The following TRIP4 variants were observed in gnomAD, a reference collection of about 807,000 sequenced individuals.
TRIP4 encodes the protein thyroid hormone receptor interactor 4.
A neutral mutation model predicts 81.8 loss-of-function variants in TRIP4; 54 were observed. That is an observed-to-expected ratio of 0.66 (90% CI 0.53 to 0.83). The LOEUF is 0.83. Among genes scored for constraint, TRIP4 ranks in the 40% least tolerant of loss-of-function variants. The probability of loss-of-function intolerance (pLI) is 0.00; values close to 1 mark genes in which losing one functional copy is unlikely to be tolerated. For synonymous variants in TRIP4, 270 were observed against 242.8 expected, an observed-to-expected ratio of 1.11 and a Z score of -1.04; for missense variants, 662 against 683.6, an observed-to-expected ratio of 0.97 and a Z score of 0.35.
At chr15:64,406,599 A>T (rs1402160955) in intron 6 of TRIP4, 140 bp downstream of exon 6, 1 of 1,003,722 alleles carries the variant, frequency 1.0e-6, no homozygotes, top group African/African-American at 1.6e-5. Flanking sequence ...TCTACATAGG[A>T]GGCCTACATC....
chr15:64,403,661 A>G (rs1366082450), intron 5 of TRIP4, among the ~76,000 whole-genome samples: 1 of 152,116 alleles, frequency 6.6e-6, no homozygotes, highest in Non-Finnish European at 1.5e-5. Flanking sequence ...CTTGCTATAT[A>G]TTCATAATTG....
intron 11 of TRIP4, among the ~76,000 whole-genome samples, chr15:64,434,437 C>T (rs1225791765): frequency 6.6e-6 from 1 of 150,672 alleles, no homozygotes; most frequent in Non-Finnish European, 1.5e-5. Context: ...TAGGTTTGTT[C>T]AGATGATAGA....
chr15:64,452,701 T>C (rs1892799014), intron 12 of TRIP4, among the ~76,000 whole-genome samples: 3 of 152,226 alleles, frequency 2.0e-5, no homozygotes, highest in Admixed American at 1.3e-4. Context: ...CTTTTCACTG[T>C]ATCAGATTGC....
At chr15:64,397,866 C>T (rs377367530) in intron 4 of TRIP4, 48 bp downstream of exon 4, 38 of 1,578,684 alleles carry the variant, frequency 2.4e-5, no homozygotes, top group Middle Eastern at 1.7e-4. Context: ...TGTGTTAATA[C>T]GCAGAGCCAG....
chr15:64,413,486 C>T (rs771921557), intron 7 of TRIP4, among the ~76,000 whole-genome samples: 1 of 152,112 alleles, frequency 6.6e-6, no homozygotes, highest in Non-Finnish European at 1.5e-5. Context: ...CTCTAGGCAG[C>T]TTTTCTGGTC....
At chr15:64,448,888 C>T (rs976312016) in intron 12 of TRIP4, among the ~76,000 whole-genome samples, 1 of 152,024 alleles carries the variant, frequency 6.6e-6, no homozygotes, top group Non-Finnish European at 1.5e-5. Flanking sequence ...TATATTATTA[C>T]ATGAAGTGAT....
At chr15:64,399,314 T>C (rs996981552) in intron 4 of TRIP4, among the ~76,000 whole-genome samples, 1 of 152,050 alleles carries the variant, frequency 6.6e-6, no homozygotes, top group African/African-American at 2.4e-5. Flanking sequence ...CTGAAAAATG[T>C]AGTGTCTACC....
At chr15:64,417,126 G>C (rs1041042397) in intron 8 of TRIP4, among the ~76,000 whole-genome samples, 1 of 152,108 alleles carries the variant, frequency 6.6e-6, no homozygotes, top group Admixed American at 6.6e-5. Context: ...TCCCATCTCA[G>C]CTTCTCAAGT....
At chr15:64,428,974 C>T (rs961525312) in intron 11 of TRIP4, among the ~76,000 whole-genome samples, 2 of 152,018 alleles carry the variant, frequency 1.3e-5, no homozygotes, top group Admixed American at 1.3e-4. Context: ...GATGTTAGCC[C>T]TATTTTTATC....
At chr15:64,406,124 C>T (rs1030512795) in intron 5 of TRIP4, among the ~76,000 whole-genome samples, 2 of 152,172 alleles carry the variant, frequency 1.3e-5, no homozygotes, top group African/African-American at 2.4e-5. Flanking sequence ...AGATCCCTGC[C>T]ATTTATTGAA....
chr15:64,430,163 T>TGAC (rs1892236933), intron 11 of TRIP4, among the ~76,000 whole-genome samples: 1 of 152,258 alleles, frequency 6.6e-6, no homozygotes, highest in African/African-American at 2.4e-5. Context: ...TGAACTAGTC[T>TGAC]TCCTTTTTAT....
In TRIP4 at chr15:64,414,211, G is replaced by C; in HGVS notation, c.1170G>C (p.Gln390His). Residue 390 changes from glutamine to histidine, a missense_variant and splice_region_variant, in exon 8 of 13, where the codon CAG (glutamine) becomes CAC (histidine). Transcript: ENST00000261884. ...VNPNMYQSPP[Q>H]WVDHTGAASQ... ...CCAACATGTACCAGTCCCCTCCCCA[G>C]GTTAGTGGACCTTTGCTCTAACTGT... is the stretch of plus-strand genomic sequence containing the variant. 6.2e-7 allele frequency: 1 copy of C among 1,613,876 alleles called. No individual in the cohort carries two copies.
chr15:64,424,162 G>T lies in TRIP4; in HGVS notation c.1483+7G>T. 1 of 1,614,118 alleles carries T rather than the reference G, an allele frequency of 6.2e-7. No individual in the cohort carries two copies. The highest frequency in any genetic ancestry group is 8.5e-7 in the Non-Finnish European group (1 of 1,180,002). On this transcript the variant is annotated splice_region_variant and intron_variant, in intron 10 of 12. Coordinates refer to ENST00000261884, the MANE Select transcript of TRIP4 (RefSeq NM_016213.5). ...CGTCTTCTTCGTGGGAAAGGTAACA[G>T]CCGCATATTCTCCTTTCAATTTTAC...
chr15:64,400,602 G>C (rs1891474104), intron 4 of TRIP4, 141 bp from the exon 5 acceptor site: 1 of 577,468 alleles, frequency 1.7e-6, no homozygotes. Context: ...TTTATATTTT[G>C]GTGTGTTTGG....
chr15:64,445,519 G>A (rs1311148591), intron 12 of TRIP4, among the ~76,000 whole-genome samples: 1 of 150,756 alleles, frequency 6.6e-6, no homozygotes, highest in Non-Finnish European at 1.5e-5. Context: ...GCGTGCGCCT[G>A]TAGCACCTGT....
intron 3 of TRIP4, among the ~76,000 whole-genome samples, chr15:64,396,006 T>A (rs1156719829): frequency 6.6e-6 from 1 of 151,844 alleles, no homozygotes; most frequent in African/African-American, 2.4e-5. Flanking sequence ...CCTCCTGGGT[T>A]CAAGCGATTC....
In TRIP4 at chr15:64,398,063, G is replaced by C. The variant is rs551093215; in HGVS notation, c.618+245G>C. On this transcript the variant is annotated intron_variant, in intron 4 of 12. Transcript: ENST00000261884. Reference sequence around the variant, plus strand: ...CTACAGGTGCCTGCCACCACGCCCAGCTAATTTTTTTGTATTTTTATTAGA... The same window carrying C: ...CTACAGGTGCCTGCCACCACGCCCACCTAATTTTTTTGTATTTTTATTAGA... 1.8e-4 allele frequency among the ~76,000 whole-genome samples: 27 copies of C among 152,112 alleles called. No individual in the cohort carries two copies. The East Asian group carries it at 5.2e-3, about 29-fold the overall frequency.
Position 64,414,172 on chromosome 15 carries a change from A to G in TRIP4, c.1131A>G (p.Gly377=), listed in dbSNP as rs1340865852. Residue 377 remains glycine (G), a synonymous_variant, in exon 8 of 13, where the codon GGA becomes GGG. Coordinates refer to ENST00000261884, the MANE Select transcript of TRIP4 (RefSeq NM_016213.5). ...ATAGATCTTCTGAAGAGCCTTTGGG[A>G]GTTCTGGTAAATCCCAACATGTACC... ...KLDRSSEEPL[G]VLVNPNMYQS... 1 of 1,614,086 alleles carries G rather than the reference A, an allele frequency of 6.2e-7. No individual in the cohort carries two copies. Among genetic ancestry groups the G allele is most frequent in the South Asian group, 1.1e-5 (1 of 91,088 alleles).
intron 5 of TRIP4, among the ~76,000 whole-genome samples, chr15:64,402,240 GA>G (rs1301756250): frequency 7.5e-6 from 1 of 133,684 alleles, no homozygotes; most frequent in Non-Finnish European, 1.6e-5. Context: ...TTTTTTTTTT[GA>G]GACGGAGTTT....
Sources: gnomAD v4.1 joint callset for allele counts (sites outside exome capture counted in the v4.1 genomes callset) on GRCh38, gnomAD v4.1.1 for gene constraint, MANE v1.5 for transcripts, NCBI Gene and HGNC (gene_info 2026-07-23, HGNC 2026-07-21) for gene names.